Variants in MKLN1 observed in about 807,000 individuals in gnomAD.
The protein encoded by MKLN1 is muskelin 1.
In MKLN1, 18 loss-of-function variants were observed where a neutral mutation model predicts 99.0. The observed-to-expected ratio is 0.18, with a 90% CI of 0.13 to 0.27. The LOEUF (loss-of-function observed/expected upper bound fraction) is 0.27, where lower values mean the gene tolerates loss of function less well. MKLN1 is among the 10% of genes least tolerant of loss of function. The probability of loss-of-function intolerance (pLI) is 1.00; values close to 1 mark genes in which losing one functional copy is unlikely to be tolerated. For synonymous variants in MKLN1, 288 were observed against 293.2 expected, an observed-to-expected ratio of 0.98 and a Z score of 0.18; for missense variants, 621 against 875.9, an observed-to-expected ratio of 0.71 and a Z score of 3.67.
intron 8 of MKLN1, among the ~76,000 whole-genome samples, chr7:131,416,766 G>C (rs891330495): frequency 1.3e-5 from 2 of 151,770 alleles, no homozygotes; most frequent in African/African-American, 4.8e-5. Context: ...AGGATCCCTT[G>C]ATCCCACAAG....
upstream of MKLN1, among the ~76,000 whole-genome samples, chr7:131,325,283 G>A (rs1798861791): frequency 6.6e-6 from 1 of 152,118 alleles, no homozygotes. Flanking sequence ...CTAAGATAAA[G>A]AGGGAAACTT....
At chr7:131,349,002 A>G (rs1459003487) in intron 1 of MKLN1, among the ~76,000 whole-genome samples, 1 of 152,156 alleles carries the variant, frequency 6.6e-6, no homozygotes, top group Non-Finnish European at 1.5e-5. Context: ...AACAGTTGAT[A>G]TTACAGAGTA....
rs1472028873 is a variant in MKLN1, at chr7:131,445,780, C to T, written c.1402C>T (p.Arg468Cys). 3.8e-6 allele frequency: 6 copies of T among 1,571,988 alleles called. No individual in the cohort carries two copies. The highest frequency in any genetic ancestry group is 3.7e-5 in the Admixed American group (2 of 53,906). Residue 468 changes from arginine (R) to cysteine (C), a missense_variant, in exon 12 of 18, where the codon CGT becomes TGT. Coordinates refer to ENST00000352689, the MANE Select transcript of MKLN1 (RefSeq NM_013255.5). ...GHCMLFHSKN[R>C]CLYVFGGQRS... ...TTTTTTTCTTCTTTTTCAGAAAAAT[C>T]GTTGCTTATATGTATTTGGTGGCCA...
chr7:131,241,318 C>T (rs1301743221), intron 3 of MKLN1, among the ~76,000 whole-genome samples: 2 of 146,910 alleles, frequency 1.4e-5, no homozygotes, highest in African/African-American at 2.5e-5. Context: ...GCAGAGATTG[C>T]AGTGAGCCGA....
intron 2 of MKLN1, among the ~76,000 whole-genome samples, chr7:131,156,470 A>AAAT (rs58839589): frequency 1.3e-5 from 2 of 150,734 alleles, no homozygotes; most frequent in Non-Finnish European, 3.0e-5. Context: ...AAAAAAAAAA[A>AAAT]GAAAAGTGAC....
At chr7:131,304,576 T>C (rs4728218) in intron 3 of MKLN1, among the ~76,000 whole-genome samples, 1 of 151,914 alleles carries the variant, frequency 6.6e-6, no homozygotes, top group African/African-American at 2.4e-5. Flanking sequence ...AGCTTGCCTA[T>C]GGGATAGCGC....
In MKLN1 at chr7:131,443,585, T is replaced by C; in HGVS notation, c.1278T>C (p.Ser426=). Residue 426 remains serine, a synonymous_variant, in exon 11 of 18, where the codon AGT becomes AGC. Transcript: ENST00000352689. ...GCAGAGCCAGTGAACCACAATTCAG[T>C]GGCTTGTTTGCTTTCAACTGTCAAT... ...DDSRASEPQF[S]GLFAFNCQCQ... is the part of the protein sequence containing the mutation. The C allele has an allele frequency of 1.2e-6, 2 of 1,614,144 alleles. No individual in the cohort carries two copies. Among genetic ancestry groups the C allele is most frequent in the Non-Finnish European group, 1.7e-6 (2 of 1,179,956 alleles).
At chr7:131,453,671 TAA>T (rs1468126922) in intron 12 of MKLN1, among the ~76,000 whole-genome samples, 1 of 152,094 alleles carries the variant, frequency 6.6e-6, no homozygotes, top group South Asian at 2.1e-4. Context: ...AATCTAGGAT[TAA>T]GAGAAGACCC....
chr7:131,131,193 T>TTAAGTAAA (rs1795546234), intron 1 of MKLN1, among the ~76,000 whole-genome samples: 1 of 136,076 alleles, frequency 7.3e-6, no homozygotes, highest in African/African-American at 2.8e-5. Context: ...TCACCTCTAC[T>TTAAGTAAA]TAAATAAATA....
rs1379249430 is a variant in MKLN1 at position 131,234,679 on chromosome 7, C to T, written c.-179+31705C>T. Among the ~76,000 whole-genome samples, 3 of 152,328 alleles carry T rather than the reference C, an allele frequency of 2.0e-5. No homozygotes were observed. In the East Asian group the frequency reaches 5.8e-4, roughly 29 times the overall value. On this transcript the variant is annotated intron_variant, in intron 3 of 7. Transcript: ENST00000416992. ...GCTCTTTCCTTCAATGAATGGCAAG[C>T]CATTCTCAATTCCAGCTCTTCTGTA...
chr7:131,243,402 T>G (rs925230179), intron 3 of MKLN1, among the ~76,000 whole-genome samples: 2 of 152,240 alleles, frequency 1.3e-5, no homozygotes, highest in African/African-American at 4.8e-5. Context: ...ACCTGGACTC[T>G]GCAAACTCAA....
chr7:131,193,355 T>A (rs1411835706), intron 2 of MKLN1, among the ~76,000 whole-genome samples: 2 of 152,136 alleles, frequency 1.3e-5, no homozygotes, highest in African/African-American at 4.8e-5. Context: ...AAGTCACATT[T>A]TTAAAAATTA....
chr7:131,132,983 A>AAAGAAAGAAAGAAAGAAAG (rs1554526897), intron 1 of MKLN1, among the ~76,000 whole-genome samples: 22 of 137,406 alleles, frequency 1.6e-4, no homozygotes, highest in Middle Eastern at 3.9e-3. Context: ...AAGAAAGAAA[A>AAAGAAAGAAAGAAAGAAAG]ACCAGAGCAT....
chr7:131,363,158 A>T (rs769954520), intron 1 of MKLN1, among the ~76,000 whole-genome samples: 1 of 151,618 alleles, frequency 6.6e-6, no homozygotes, highest in Non-Finnish European at 1.5e-5. Context: ...GGAGGAGGGG[A>T]TAGACCAGTG....
chr7:131,128,196 C>T (rs117907342), intron 1 of MKLN1, among the ~76,000 whole-genome samples: 2,285 of 146,122 alleles, frequency 0.016, 24 homozygotes, highest in African/African-American at 0.023. Context: ...CGAAGTATCG[C>T]CTCTGATTCA....
In MKLN1 at chr7:131,429,122, A is replaced by G; in HGVS notation, c.937A>G (p.Ile313Val). 1.2e-6 allele frequency: 2 copies of G among 1,613,272 alleles called. No homozygotes were observed. The highest frequency in any genetic ancestry group is 1.3e-5 in the African/African-American group (1 of 75,038). ...TGTGAAGGAGAACCAGTGGACATGTATCTCTAGAGACACTGAAAAAGAGGC... is the reference window on the plus strand; with the variant it reads ...TGTGAAGGAGAACCAGTGGACATGTGTCTCTAGAGACACTGAAAAAGAGGC... ...YSVKENQWTC[I>V]SRDTEKENGP... Residue 313 changes from isoleucine to valine, a missense_variant, in exon 9 of 18, where the codon ATC becomes GTC. Physicochemically the swap from Ile to Val is conservative, Grantham distance 29 (BLOSUM62 3). This residue lies in a region of MKLN1 where 361 missense variants were observed against 540.8 expected (regional missense o/e 0.67). Coordinates refer to ENST00000352689, the MANE Select transcript of MKLN1 (RefSeq NM_013255.5).
chr7:131,203,940 A>G (rs1319308690), intron 3 of MKLN1, among the ~76,000 whole-genome samples: 2 of 152,172 alleles, frequency 1.3e-5, no homozygotes, highest in Non-Finnish European at 2.9e-5. Context: ...TGGGCGAAGA[A>G]CACTGAAAAA....
In MKLN1 at chr7:131,394,133, ATAATT is replaced by A. The variant is rs1337697743; in HGVS notation, c.401-3129_401-3125del. Among the ~76,000 whole-genome samples the A allele has an allele frequency of 2.8e-4, 43 of 152,206 alleles. 2 individuals are homozygous for A. Among genetic ancestry groups the A allele is most frequent in the African/African-American group, 7.5e-4 (31 of 41,438 alleles). On this transcript the variant is annotated intron_variant, in intron 4 of 17. Coordinates refer to ENST00000352689, the MANE Select transcript of MKLN1 (RefSeq NM_013255.5). ...ATAAAGAAACACTAAAACAATAAAG[ATAATT>A]TAATATTTGTTGTTAAAAAAAAACT...
intron 1 of MKLN1, among the ~76,000 whole-genome samples, chr7:131,361,713 G>C (rs1006509570): frequency 6.6e-6 from 1 of 151,130 alleles, no homozygotes; most frequent in South Asian, 2.1e-4. Flanking sequence ...CTGATCTTAA[G>C]TGATGATCTT....
Sources: gnomAD v4.1 joint callset for allele counts (sites outside exome capture counted in the v4.1 genomes callset) on GRCh38, gnomAD v4.1.1 for gene constraint, gnomAD v4.1.1 regional missense constraint, MANE v1.5 for transcripts, NCBI Gene and HGNC (gene_info 2026-07-23, HGNC 2026-07-21) for gene names.